The following SLIT3 variants were observed in gnomAD, a reference collection of about 807,000 sequenced individuals.
The protein encoded by SLIT3 is slit homolog 3 protein.
SLIT3 carries 68 observed loss-of-function variants against 184.0 expected under a neutral mutation model. That is an observed-to-expected ratio of 0.37 (90% confidence interval 0.30 to 0.45). The LOEUF is 0.45. Ranked by LOEUF, SLIT3 falls within the 20% of genes least tolerant of loss-of-function variation. SLIT3 has a pLI of 1.00. For missense variants in SLIT3, 1,707 were observed against 2,026.0 expected, an observed-to-expected ratio of 0.84 and a Z score of 3.02; for synonymous variants, 831 against 828.6, an observed-to-expected ratio of 1.00 and a Z score of -0.05.
At chr5:168,819,209 A>G (rs1757439331) in intron 7 of SLIT3, among the ~76,000 whole-genome samples, 1 of 152,272 alleles carries the variant, frequency 6.6e-6, no homozygotes, top group African/African-American at 2.4e-5. Flanking sequence ...TTGGCGAACC[A>G]GAATCCTAAG....
At chr5:169,275,568 T>G (rs1016311192) in intron 1 of SLIT3, among the ~76,000 whole-genome samples, 1 of 152,142 alleles carries the variant, frequency 6.6e-6, no homozygotes. Flanking sequence ...TAATTGGACT[T>G]CCACACGGTA....
intron 3 of SLIT3, among the ~76,000 whole-genome samples, chr5:169,216,935 C>T (rs989099123): frequency 2.6e-5 from 4 of 151,980 alleles, no homozygotes; most frequent in East Asian, 1.9e-4. Flanking sequence ...CTGTGTGTGC[C>T]GTACTTCAGT....
intron 4 of SLIT3, among the ~76,000 whole-genome samples, chr5:169,147,785 G>A (rs750144244): frequency 5.3e-5 from 8 of 152,094 alleles, no homozygotes; most frequent in Non-Finnish European, 7.4e-5. Context: ...TGCAACCTGC[G>A]CCAGCTGTCA....
chr5:169,182,277 G>T (rs6869130), intron 4 of SLIT3, among the ~76,000 whole-genome samples: 2 of 152,146 alleles, frequency 1.3e-5, no homozygotes, highest in African/African-American at 4.8e-5. Flanking sequence ...ACCAAATTTA[G>T]GCAAGGAGCA....
At chr5:169,231,643 G>A (rs1765007013) in intron 3 of SLIT3, among the ~76,000 whole-genome samples, 1 of 151,946 alleles carries the variant, frequency 6.6e-6, no homozygotes, top group Admixed American at 6.6e-5. Context: ...TTCCAGTCTG[G>A]GGCTACTACA....
chr5:168,767,565 T>C (rs1050880135), intron 14 of SLIT3, among the ~76,000 whole-genome samples: 2 of 152,200 alleles, frequency 1.3e-5, no homozygotes, highest in East Asian at 1.9e-4. Flanking sequence ...TTAGGTTTCA[T>C]GGGGTTCAGG....
chr5:168,981,881 T>C (rs1238125220), intron 4 of SLIT3, among the ~76,000 whole-genome samples: 1 of 152,216 alleles, frequency 6.6e-6, no homozygotes, highest in Non-Finnish European at 1.5e-5. Flanking sequence ...TGGAGTCCCA[T>C]TAACTCTTAG....
intron 4 of SLIT3, among the ~76,000 whole-genome samples, chr5:169,191,526 A>C (rs1447518553): frequency 6.6e-6 from 1 of 152,210 alleles, no homozygotes; most frequent in Non-Finnish European, 1.5e-5. Context: ...CTTATACAGC[A>C]CTTTACAAAA....
At chr5:168,901,955 G>A (rs1760885956) in intron 4 of SLIT3, among the ~76,000 whole-genome samples, 1 of 152,226 alleles carries the variant, frequency 6.6e-6, no homozygotes, top group Admixed American at 6.5e-5. Context: ...AGGTTGGAGT[G>A]CAGTGGCGCG....
At chr5:168,854,740 G>A (rs1461402102) in intron 5 of SLIT3, among the ~76,000 whole-genome samples, 2 of 152,212 alleles carry the variant, frequency 1.3e-5, no homozygotes, top group Admixed American at 6.5e-5. Context: ...TACAAGCCAC[G>A]GGAACCAAAG....
intron 4 of SLIT3, among the ~76,000 whole-genome samples, chr5:169,166,660 C>A (rs538331846): frequency 6.6e-6 from 1 of 152,308 alleles, no homozygotes; most frequent in South Asian, 2.1e-4. Context: ...CCCAATATCA[C>A]CTTCCTAATG....
chr5:169,159,815 G>A (rs994210407), intron 4 of SLIT3, among the ~76,000 whole-genome samples: 5 of 152,062 alleles, frequency 3.3e-5, no homozygotes, highest in Non-Finnish European at 7.4e-5. Flanking sequence ...CCAACTATAC[G>A]CTAACGTGAT....
chr5:168,826,041 G>A (rs1757693922), intron 6 of SLIT3, among the ~76,000 whole-genome samples: 1 of 152,186 alleles, frequency 6.6e-6, no homozygotes, highest in African/African-American at 2.4e-5. Context: ...AGCACACCCA[G>A]TCATTCAACA....
intron 4 of SLIT3, among the ~76,000 whole-genome samples, chr5:169,096,444 A>G (rs1759784945): frequency 6.6e-6 from 1 of 152,250 alleles, no homozygotes; most frequent in African/African-American, 2.4e-5. Flanking sequence ...TAGGCTCTGC[A>G]AGTCTTAAGG....
chr5:168,892,939 C>G (rs1760522000), intron 4 of SLIT3, among the ~76,000 whole-genome samples: 1 of 152,194 alleles, frequency 6.6e-6, no homozygotes, highest in Admixed American at 6.5e-5. Flanking sequence ...GCCCTCTGTT[C>G]TGGTCCAGGC....
chr5:168,904,974 C>T (rs1760996712), intron 4 of SLIT3, among the ~76,000 whole-genome samples: 1 of 152,024 alleles, frequency 6.6e-6, no homozygotes, highest in African/African-American at 2.4e-5. Context: ...TGAGACCAGC[C>T]TGGGCAACAT....
intron 6 of SLIT3, among the ~76,000 whole-genome samples, chr5:168,828,265 C>T (rs902356876): frequency 6.6e-6 from 1 of 152,124 alleles, no homozygotes; most frequent in Non-Finnish European, 1.5e-5. Context: ...GGGGAAGGCC[C>T]TGCTCAAGAG....
chr5:168,992,162 G>C (rs748856307), intron 4 of SLIT3, among the ~76,000 whole-genome samples: 7 of 152,164 alleles, frequency 4.6e-5, no homozygotes, highest in Admixed American at 1.3e-4. Context: ...TTCTGTGTTT[G>C]AGAAGCTGCC....
intron 35 of SLIT3, 88 bp downstream of exon 35, chr5:168,669,695 C>T: frequency 1.8e-6 from 2 of 1,087,866 alleles, no homozygotes; most frequent in East Asian, 2.5e-5. Flanking sequence ...CTTTAAGTGG[C>T]ACAGCCAGAA....
Sources: allele counts gnomAD v4.1 joint callset (sites outside exome capture counted in the v4.1 genomes callset), GRCh38; gene constraint gnomAD v4.1.1; transcripts MANE v1.5; gene names NCBI Gene and HGNC (gene_info 2026-07-23, HGNC 2026-07-21).